Variants in SASH1 observed in about 807,000 individuals in gnomAD.
SASH1 encodes the protein SAM and SH3 domain containing 1, also known as SAM and SH3 domain-containing protein 1.
Under a neutral mutation model 125.2 loss-of-function variants are expected in SASH1, and 44 were observed. The observed-to-expected ratio is 0.35, with a 90% CI of 0.28 to 0.45. The LOEUF (loss-of-function observed/expected upper bound fraction) is 0.45, where lower values mean the gene tolerates loss of function less well. Ranked by LOEUF, SASH1 falls within the 20% of genes least tolerant of loss-of-function variation. The probability of loss-of-function intolerance (pLI) is 1.00; values close to 1 mark genes in which losing one functional copy is unlikely to be tolerated. For synonymous variants in SASH1, 639 were observed against 649.1 expected (o/e 0.98, Z 0.24); for missense variants, 1,426 against 1,614.5 (o/e 0.88, Z 2.00).
chr6:148,527,487 T>A lies in SASH1; in HGVS notation c.1319T>A (p.Ile440Asn). The change falls in exon 12 of 20, where the codon ATC becomes AAC. Residue 440 changes from isoleucine to asparagine, a missense_variant. Ile to Asn is a moderately radical substitution (Grantham distance 149). Around this residue, in one of 3 missense-constraint regions of SASH1, gnomAD observed 567 missense variants for 575.6 expected, o/e 0.99. Coordinates refer to ENST00000367467, the MANE Select transcript of SASH1 (RefSeq NM_015278.5). ...GGAGACTTTGTGTACAAAGAAGTCA[T>A]CAAATCACCTACTGCCTCTCGCATC... The part of the protein sequence containing the change: ...KEGDFVYKEV[I>N]KSPTASRISL... 6.2e-7 allele frequency: 1 copy of A among 1,608,848 alleles called. No individual in the cohort carries two copies. The highest frequency in any genetic ancestry group is 8.5e-7 in the Non-Finnish European group (1 of 1,178,476).
chr6:148,470,064 AAAAG>A (rs1469306565), intron 5 of SASH1, among the ~76,000 whole-genome samples: 1 of 152,058 alleles, frequency 6.6e-6, no homozygotes, highest in Non-Finnish European at 1.5e-5. Flanking sequence ...AAGAAAAGAA[AAAAG>A]AAAGAAAATG....
Position 148,532,967 on chromosome 6 carries a change from G to C in SASH1, c.1734+1G>C. 6.2e-7 allele frequency: 1 copy of C among 1,613,640 alleles called. No individual in the cohort carries two copies. The highest frequency in any genetic ancestry group is 8.5e-7 in the Non-Finnish European group (1 of 1,179,698). The stretch of plus-strand genomic sequence containing the variant: ...TGACACAGACTCACTCAAGCTCAAG[G>C]TATCTCTCTCCCTGGCCTCAGAGCA... On this transcript the variant is annotated splice_donor_variant, in intron 14 of 19. Transcript: ENST00000367467. LOFTEE classifies it high-confidence loss of function. The surrounding 1 kb of genome is among the most constrained non-coding windows in gnomAD (Gnocchi z 4.7).
chr6:148,545,990 G>A (rs754481016), intron 18 of SASH1, 25 bp from the exon 19 acceptor site: 21 of 1,608,920 alleles, frequency 1.3e-5, no homozygotes, highest in Admixed American at 1.7e-5. Context: ...GACTCTTGAT[G>A]TCATATTCCT....
intron 1 of SASH1, among the ~76,000 whole-genome samples, chr6:148,356,432 C>T (rs1056330372): frequency 2.0e-5 from 3 of 150,412 alleles, no homozygotes; most frequent in East Asian, 4.0e-4. Flanking sequence ...GACTTCTTTT[C>T]CTCTGGGTAG....
chr6:148,353,622 A>T (rs929527953), intron 1 of SASH1, among the ~76,000 whole-genome samples: 4 of 151,664 alleles, frequency 2.6e-5, no homozygotes, highest in Non-Finnish European at 1.5e-5. Context: ...TTTAGTAGAG[A>T]TGGGGTTTTG....
At chr6:148,319,901 C>T (rs1780595476) in intron 1 of SASH1, among the ~76,000 whole-genome samples, 1 of 152,148 alleles carries the variant, frequency 6.6e-6, no homozygotes, top group African/African-American at 2.4e-5. Context: ...GGATGTGACT[C>T]CTCCCTCTGT....
chr6:148,545,156 G>A (rs1782483714), intron 18 of SASH1, among the ~76,000 whole-genome samples: 1 of 152,102 alleles, frequency 6.6e-6, no homozygotes, highest in Non-Finnish European at 1.5e-5. Context: ...ATGGGAAAAA[G>A]ATAATATAAA....
intron 9 of SASH1, among the ~76,000 whole-genome samples, chr6:148,518,114 T>C (rs1376036228): frequency 6.6e-6 from 1 of 152,112 alleles, no homozygotes; most frequent in Non-Finnish European, 1.5e-5. Flanking sequence ...GAACCCTTGG[T>C]CTCCACACCT....
At position 148,495,679 on chromosome 6, in the gene SASH1, T is replaced by C. The variant is rs751383457; in HGVS notation, c.729+7964T>C. 3.9e-5 allele frequency among the ~76,000 whole-genome samples: 6 copies of C among 152,214 alleles called. No homozygotes were observed. The highest frequency in any genetic ancestry group is 5.9e-5 in the Non-Finnish European group (4 of 68,046). Reference sequence around the variant, plus strand: ...TCTAAAAAAATGTGTACAATTTTTATAGTTTTGCTGACTTGGATGGCAGTG... The same window carrying C: ...TCTAAAAAAATGTGTACAATTTTTACAGTTTTGCTGACTTGGATGGCAGTG... On this transcript the variant is annotated intron_variant, in intron 8 of 19. Coordinates refer to ENST00000367467, the MANE Select transcript of SASH1 (RefSeq NM_015278.5). The surrounding 1 kb of genome is among the most constrained non-coding windows in gnomAD (Gnocchi z 4.0).
At chr6:148,298,385 T>G (rs1253671845) in intron 1 of SASH1, among the ~76,000 whole-genome samples, 1 of 152,026 alleles carries the variant, frequency 6.6e-6, no homozygotes, top group African/African-American at 2.4e-5. Context: ...ATCCCAGCAC[T>G]TTGGGAGGCT....
At chr6:148,362,160 C>T (rs1356647488) in intron 1 of SASH1, among the ~76,000 whole-genome samples, 3 of 151,434 alleles carry the variant, frequency 2.0e-5, no homozygotes, top group South Asian at 4.2e-4. Flanking sequence ...ATATCCTGAC[C>T]TTGTGATCCG....
At chr6:148,380,831 A>G (rs1339127734) in intron 1 of SASH1, among the ~76,000 whole-genome samples, 1 of 152,208 alleles carries the variant, frequency 6.6e-6, no homozygotes, top group Non-Finnish European at 1.5e-5. Flanking sequence ...TCCCTTCAAC[A>G]AGTTCTCATG....
At chr6:148,256,439 G>A in the SASH1 span, among the ~76,000 whole-genome samples, 1 of 152,170 alleles carries the variant, frequency 6.6e-6, no homozygotes, top group Non-Finnish European at 1.5e-5. Flanking sequence ...TTAAATATGT[G>A]TATTCTTAAA....
At chr6:148,447,407 A>G (rs1776846910) in intron 4 of SASH1, among the ~76,000 whole-genome samples, 1 of 152,168 alleles carries the variant, frequency 6.6e-6, no homozygotes, top group African/African-American at 2.4e-5. Flanking sequence ...GCTCTCAGGT[A>G]TGTTTTATCT....
chr6:148,487,840 G>T (rs909983839), intron 8 of SASH1, 125 bp downstream of exon 8: 33 of 581,858 alleles, frequency 5.7e-5, no homozygotes, highest in Non-Finnish European at 9.2e-5. Flanking sequence ...AGAGGTGTCT[G>T]TTCATATAGA....
At chr6:148,301,477 G>A (rs1316309417) in intron 1 of SASH1, among the ~76,000 whole-genome samples, 2 of 152,126 alleles carry the variant, frequency 1.3e-5, no homozygotes, top group African/African-American at 4.8e-5. Flanking sequence ...TGTTGGCCAG[G>A]CTGGTCTCAA....
chr6:148,257,035 C>T, the SASH1 span, among the ~76,000 whole-genome samples: 78 of 152,224 alleles, frequency 5.1e-4, no homozygotes, highest in East Asian at 0.013. Context: ...AAATTTTACA[C>T]TTTAAATGAG....
At chr6:148,290,413 T>C (rs1779597798) in intron 1 of SASH1, among the ~76,000 whole-genome samples, 1 of 151,428 alleles carries the variant, frequency 6.6e-6, no homozygotes, top group South Asian at 2.1e-4. Flanking sequence ...GAGACCATCC[T>C]GGCTAACAGA....
chr6:148,372,674 G>A (rs756537035), intron 1 of SASH1, among the ~76,000 whole-genome samples: 13 of 150,580 alleles, frequency 8.6e-5, no homozygotes, highest in Non-Finnish European at 1.6e-4. Flanking sequence ...CAAGGTGCAT[G>A]TTGATTGATT....
Sources: gnomAD v4.1 joint callset for allele counts (sites outside exome capture counted in the v4.1 genomes callset) on GRCh38, gnomAD v4.1.1 for gene constraint, gnomAD v4.1.1 regional missense constraint, Gnocchi (gnomAD v3.1) non-coding constraint, MANE v1.5 for transcripts, NCBI Gene and HGNC (gene_info 2026-07-23, HGNC 2026-07-21) for gene names.